The following TBC1D5 variants were observed in gnomAD, a reference collection of about 807,000 sequenced individuals.
The protein encoded by TBC1D5 is TBC1 domain family member 5, also known as TBC1 domain family, member 5.
TBC1D5 carries 75 observed loss-of-function variants against 100.3 expected under a neutral mutation model. The observed-to-expected ratio is 0.75, with a 90% CI of 0.62 to 0.91. TBC1D5 has a LOEUF of 0.91. TBC1D5 is among the 40% of genes least tolerant of loss of function. TBC1D5 has a pLI of 0.00. For synonymous variants in TBC1D5, 323 were observed against 325.6 expected, an observed-to-expected ratio of 0.99 and a Z score of 0.09; for missense variants, 910 against 942.4, an observed-to-expected ratio of 0.97 and a Z score of 0.45.
At chr3:17,484,125 TA>T (rs1400409865) in intron 3 of TBC1D5, among the ~76,000 whole-genome samples, 1 of 152,198 alleles carries the variant, frequency 6.6e-6, no homozygotes, top group Non-Finnish European at 1.5e-5. Context: ...CTCCTAATGT[TA>T]ATTTGTGAAT....
At chr3:17,554,904 C>T (rs1377044496) in intron 2 of TBC1D5, among the ~76,000 whole-genome samples, 1 of 151,222 alleles carries the variant, frequency 6.6e-6, no homozygotes, top group African/African-American at 2.4e-5. Flanking sequence ...GGCTGGAGTG[C>T]AGTGGCGCGA....
intron 1 of TBC1D5, among the ~76,000 whole-genome samples, chr3:17,727,168 G>T (rs1448394143): frequency 2.0e-5 from 3 of 152,146 alleles, no homozygotes; most frequent in African/African-American, 7.2e-5. Flanking sequence ...GGATAACGAG[G>T]TCAGGAGTTC....
At chr3:17,524,269 G>T (rs1239246524) in intron 2 of TBC1D5, among the ~76,000 whole-genome samples, 1 of 152,142 alleles carries the variant, frequency 6.6e-6, no homozygotes, top group Non-Finnish European at 1.5e-5. Flanking sequence ...AAAAAAGGTA[G>T]ATAATACCCA....
chr3:17,416,189 T>C (rs1237356504), intron 4 of TBC1D5, among the ~76,000 whole-genome samples: 1 of 152,174 alleles, frequency 6.6e-6, no homozygotes, highest in East Asian at 1.9e-4. Flanking sequence ...TTTAACTGAA[T>C]CCATCGTTCA....
intron 2 of TBC1D5, among the ~76,000 whole-genome samples, chr3:17,516,380 T>G (rs560655160): frequency 6.6e-6 from 1 of 152,294 alleles, no homozygotes; most frequent in African/African-American, 2.4e-5. Flanking sequence ...CATAAATTTA[T>G]TTAAAGAAAG....
intron 18 of TBC1D5, among the ~76,000 whole-genome samples, chr3:17,205,991 T>C (rs547983836): frequency 2.4e-4 from 37 of 152,264 alleles, no homozygotes; most frequent in African/African-American, 8.2e-4. Context: ...TTCTCTTATT[T>C]TTACCCAAAG....
chr3:17,220,710 T>G (rs1350946873), intron 17 of TBC1D5, among the ~76,000 whole-genome samples: 1 of 152,164 alleles, frequency 6.6e-6, no homozygotes, highest in Non-Finnish European at 1.5e-5. Context: ...ATTTTCTCCT[T>G]GCTCCTTGGA....
chr3:17,426,061 G>T lies in TBC1D5; in HGVS notation c.167+2389C>A, dbSNP rs796574320. Among the ~76,000 whole-genome samples, 4 of 152,056 alleles carry T rather than the reference G, an allele frequency of 2.6e-5. No homozygotes were observed. The South Asian group carries it at 8.3e-4, about 31-fold the overall frequency. The stretch of plus-strand genomic sequence containing the variant: ...GGTTTCAGGCCTGCGTTGTCGAATT[G>T]TGAGAAAAGCTAGGATTTCAGAGGC... On this transcript the variant is annotated intron_variant, in intron 4 of 21. Coordinates refer to ENST00000253692, the Ensembl canonical transcript of TBC1D5.
chr3:17,490,258 G>T (rs1047319853), intron 3 of TBC1D5, among the ~76,000 whole-genome samples: 1 of 152,192 alleles, frequency 6.6e-6, no homozygotes, highest in African/African-American at 2.4e-5. Flanking sequence ...TTGTCAGATG[G>T]AGATATTGCA....
chr3:17,393,360 G>A (rs1400742012), intron 8 of TBC1D5, among the ~76,000 whole-genome samples: 1 of 152,062 alleles, frequency 6.6e-6, no homozygotes, highest in Admixed American at 6.6e-5. Context: ...TATACTCATG[G>A]ATAGAAAGAA....
At chr3:17,489,495 C>G (rs1051701190) in intron 3 of TBC1D5, among the ~76,000 whole-genome samples, 1 of 152,182 alleles carries the variant, frequency 6.6e-6, no homozygotes, top group South Asian at 2.1e-4. Flanking sequence ...TCACTACCCC[C>G]AAGCCTCCAC....
chr3:17,683,224 G>A (rs1368152948), intron 1 of TBC1D5, among the ~76,000 whole-genome samples: 1 of 151,248 alleles, frequency 6.6e-6, no homozygotes, highest in Non-Finnish European at 1.5e-5. Flanking sequence ...AAAAGCTCAG[G>A]CAACAAGCAC....
At chr3:17,583,889 A>G (rs2096716245) in intron 2 of TBC1D5, among the ~76,000 whole-genome samples, 1 of 152,212 alleles carries the variant, frequency 6.6e-6, no homozygotes, top group Admixed American at 6.5e-5. Context: ...TAGGTACTCA[A>G]ACAGGTTCAT....
At chr3:17,695,815 G>A (rs1014779475) in intron 1 of TBC1D5, among the ~76,000 whole-genome samples, 9 of 152,096 alleles carry the variant, frequency 5.9e-5, no homozygotes, top group Middle Eastern at 3.4e-3. Flanking sequence ...GCACCATATC[G>A]CACTTATTCT....
intron 16 of TBC1D5, among the ~76,000 whole-genome samples, chr3:17,250,760 G>A (rs1482426491): frequency 6.6e-6 from 1 of 152,036 alleles, no homozygotes; most frequent in Non-Finnish European, 1.5e-5. Context: ...CTGTCTCTTT[G>A]CTTTGTTATT....
intron 17 of TBC1D5, among the ~76,000 whole-genome samples, chr3:17,228,456 ACTC>A (rs1559451191): frequency 1.3e-5 from 2 of 152,106 alleles, no homozygotes; most frequent in Non-Finnish European, 2.9e-5. Flanking sequence ...AAAATGCAGT[ACTC>A]TGGATTGTGG....
intron 1 of TBC1D5, among the ~76,000 whole-genome samples, chr3:17,628,684 T>C (rs1188056900): frequency 6.6e-6 from 1 of 152,230 alleles, no homozygotes; most frequent in Non-Finnish European, 1.5e-5. Context: ...TTTACCATCA[T>C]ATGCAAAGAA....
At chr3:17,371,506 TA>T (rs374286723) in intron 13 of TBC1D5, among the ~76,000 whole-genome samples, 140 of 152,288 alleles carry the variant, frequency 9.2e-4, no homozygotes, top group African/African-American at 3.0e-3. Flanking sequence ...GAAATATGTG[TA>T]AACTAAACCT....
intron 16 of TBC1D5, among the ~76,000 whole-genome samples, chr3:17,257,213 G>A (rs2077793569): frequency 6.6e-6 from 1 of 152,138 alleles, no homozygotes; most frequent in Admixed American, 6.5e-5. Flanking sequence ...AAGGATTCCA[G>A]CTAAAAAGGT....
Sources: gnomAD v4.1 joint callset for allele counts (sites outside exome capture counted in the v4.1 genomes callset) on GRCh38, gnomAD v4.1.1 for gene constraint, MANE v1.5 for transcripts, NCBI Gene and HGNC (gene_info 2026-07-23, HGNC 2026-07-21) for gene names.